ACACB: variants seen among roughly 807,000 people sequenced by gnomAD.
ACACB encodes acetyl-CoA carboxylase beta, also known as acetyl-CoA carboxylase 2.
ACACB carries 209 observed loss-of-function variants against 278.8 expected under a neutral mutation model. The ratio of observed to expected loss-of-function variants is 0.75; its 90% CI spans 0.67 to 0.84. The LOEUF is 0.84. Ranked by LOEUF, ACACB falls within the 40% of genes least tolerant of loss-of-function variation. ACACB has a pLI of 0.00. For missense variants in ACACB, 2,850 were observed against 3,269.0 expected (o/e 0.87, Z 3.13); for synonymous variants, 1,174 against 1,285.6 (o/e 0.91, Z 1.86).
chr12:109,112,840 C>T (rs1391190601), upstream of ACACB, among the ~76,000 whole-genome samples: 1 of 152,048 alleles, frequency 6.6e-6, no homozygotes, highest in Non-Finnish European at 1.5e-5. Context: ...TTTAGGTCAG[C>T]GGTTGGCAAA....
chr12:109,129,724 T>G (rs916137712), intron 1 of ACACB, among the ~76,000 whole-genome samples: 1 of 152,146 alleles, frequency 6.6e-6, no homozygotes, highest in Non-Finnish European at 1.5e-5. Context: ...CAAAAGCAGT[T>G]CTAGGCTGCA....
chr12:109,241,392 A>G lies in ACACB; in HGVS notation c.5022+111A>G, dbSNP rs978635298. ...GGAGGCGGTCTTGCCTTGCTCTCCC[A>G]TGTCATTCTGGGTTGGGGTAGCCCC... On this transcript the variant is annotated intron_variant, in intron 36 of 52. Transcript: ENST00000338432. 7 of 1,125,266 alleles carry G rather than the reference A, an allele frequency of 6.2e-6. No homozygotes were observed. The Admixed American group carries it at 7.4e-5, about 12-fold the overall frequency. 69.7% of individuals were successfully genotyped at this position (1,125,266 alleles called of 1,614,324 possible).
At chr12:109,177,772 G>A (rs1300985547) in intron 9 of ACACB, among the ~76,000 whole-genome samples, 2 of 152,098 alleles carry the variant, frequency 1.3e-5, no homozygotes, top group African/African-American at 4.8e-5. Flanking sequence ...TCCCTTTCCT[G>A]TTGCAGGATT....
chr12:109,245,815 G>A, intron 38 of ACACB, 67 bp downstream of exon 38: 2 of 1,579,434 alleles, frequency 1.3e-6, no homozygotes, highest in South Asian at 1.2e-5. Flanking sequence ...TGGGCCAGGT[G>A]CAGTAGCTCA....
At chr12:109,123,411 G>T (rs1461530495) in intron 1 of ACACB, among the ~76,000 whole-genome samples, 1 of 151,806 alleles carries the variant, frequency 6.6e-6, no homozygotes, top group African/African-American at 2.4e-5. Flanking sequence ...AGGGTCTTAG[G>T]CCGAGCGTGG....
chr12:109,210,302 T>C (rs1482534031), intron 21 of ACACB, among the ~76,000 whole-genome samples: 65 of 84,532 alleles, frequency 7.7e-4, no homozygotes, highest in East Asian at 3.8e-3. Flanking sequence ...TGTATATGTA[T>C]ATATACACAC....
intron 4 of ACACB, among the ~76,000 whole-genome samples, chr12:109,170,792 TG>T (rs199740404): frequency 5.9e-4 from 78 of 132,910 alleles, no homozygotes; most frequent in South Asian, 2.3e-3. Context: ...ATTTTGTGTG[TG>T]TTTTTTTTTT....
At chr12:109,158,761 G>A (rs2043624175) in intron 2 of ACACB, among the ~76,000 whole-genome samples, 1 of 152,140 alleles carries the variant, frequency 6.6e-6, no homozygotes, top group Non-Finnish European at 1.5e-5. Context: ...ATCGCCCTGA[G>A]GTCAGGAGTT....
chr12:109,175,197 G>A (rs890063879), intron 7 of ACACB, among the ~76,000 whole-genome samples: 1 of 151,924 alleles, frequency 6.6e-6, no homozygotes, highest in Non-Finnish European at 1.5e-5. Context: ...AAATAGGACC[G>A]TCTCAAAAGT....
rs201323153 is a variant in ACACB at position 109,256,178 on chromosome 12, G to A, written c.6205G>A (p.Gly2069Ser). Residue 2069 changes from glycine (G) to serine (S), a missense_variant, in exon 45 of 53, where the codon GGC becomes AGC. By Grantham distance (56) the Gly-to-Ser change is moderately conservative. Coordinates refer to ENST00000338432, the MANE Select transcript of ACACB (RefSeq NM_001093.4). ...GTGGCAGAGCGGATTCTTTGACCAC[G>A]GCAGTTTCAAGGAAATCATGGCACC... ...GTWQSGFFDH[G>S]SFKEIMAPWA... The A allele has an allele frequency of 3.3e-5, 53 of 1,613,816 alleles. 1 individual carries two copies. The highest frequency in any genetic ancestry group is 2.0e-4 in the Admixed American group (12 of 59,994).
At position 109,227,394 on chromosome 12, in the gene ACACB, C is replaced by T. The variant is rs762641232; in HGVS notation, c.3906C>T (p.Ile1302=). The T allele has an allele frequency of 1.7e-5, 27 of 1,612,784 alleles. No individual in the cohort carries two copies. Among genetic ancestry groups the T allele is most frequent in the African/African-American group, 5.3e-5 (4 of 74,912 alleles). The change falls in exon 28 of 53, where the codon ATC becomes ATT. Residue 1302 remains isoleucine (I), a synonymous_variant. Coordinates refer to ENST00000338432, the MANE Select transcript of ACACB (RefSeq NM_001093.4). ...AGGTTTACGTGCGGAGGGGCTACAT[C>T]GCCTATGAGTTAAACAGCCTGCAGC... ...SLEVYVRRGY[I]AYELNSLQHR...
chr12:109,218,081 C>A (rs140537109), intron 24 of ACACB, among the ~76,000 whole-genome samples: 26 of 152,328 alleles, frequency 1.7e-4, no homozygotes, highest in Non-Finnish European at 3.4e-4. Context: ...TAGTCTGACT[C>A]CAGACTCATG....
Position 109,262,950 on chromosome 12 carries a change from T to TTTTATA in ACACB, c.6787+482_6787+483insTTATAT, listed in dbSNP as rs1346750205. 162 of 62,494 alleles carry TTTTATA rather than the reference T, an allele frequency of 2.6e-3. 4 individuals carry two copies. Among genetic ancestry groups the TTTTATA allele is most frequent in the East Asian group, 0.021 (30 of 1,414 alleles). 3.9% of individuals were successfully genotyped at this position (62,494 alleles called of 1,614,324 possible). On this transcript the variant is annotated intron_variant, in intron 49 of 52. Transcript: ENST00000338432. ...CATTTCTAAATCAACCTTTTTAACA[T>TTTTATA]TATATATATATATATATATATATAT...
In ACACB at chr12:109,247,676, A is replaced by T. The variant is rs1565970018; in HGVS notation, c.5642A>T (p.Lys1881Ile). The change falls in exon 40 of 53, where the codon AAA becomes ATA. Residue 1881 changes from lysine to isoleucine, a missense_variant. Around this residue, in one of 3 missense-constraint regions of ACACB, gnomAD observed 2,265 missense variants for 2,561.3 expected, o/e 0.88. Transcript: ENST00000338432. ...AGCTCCCTGAACTCCGTCCACTGTA[A>T]ACACATCGAGGAAGGAGGAGAGTCC... is the stretch of plus-strand genomic sequence containing the variant. ...RISSLNSVHCKHIEEGGESRY... is the reference protein window; with the variant it reads ...RISSLNSVHCIHIEEGGESRY... 1 of 1,613,902 alleles carries T rather than the reference A, an allele frequency of 6.2e-7. No individual in the cohort carries two copies. Among genetic ancestry groups the T allele is most frequent in the Non-Finnish European group, 8.5e-7 (1 of 1,179,906 alleles).
At chr12:109,198,793 T>G (rs1311917426) in intron 17 of ACACB, among the ~76,000 whole-genome samples, 1 of 152,150 alleles carries the variant, frequency 6.6e-6, no homozygotes, top group Non-Finnish European at 1.5e-5. Flanking sequence ...GCTATTTTTT[T>G]TTTTTTATTT....
At chr12:109,136,001 TG>T (rs2136004287) in intron 1 of ACACB, among the ~76,000 whole-genome samples, 1 of 151,826 alleles carries the variant, frequency 6.6e-6, no homozygotes, top group East Asian at 1.9e-4. Flanking sequence ...TTAGTAGAGA[TG>T]GGGTTTCACC....
intron 2 of ACACB, among the ~76,000 whole-genome samples, chr12:109,150,947 CTTTTTCTT>C (rs2043354262): frequency 6.6e-6 from 1 of 150,566 alleles, no homozygotes; most frequent in Non-Finnish European, 1.5e-5. Context: ...TTTTCTTTTT[CTTTTTCTT>C]TTTTTCTTTT....
intron 19 of ACACB, among the ~76,000 whole-genome samples, chr12:109,202,410 G>A (rs568590637): frequency 2.6e-5 from 4 of 152,158 alleles, no homozygotes; most frequent in East Asian, 1.9e-4. Context: ...TGCCTCCCTG[G>A]TTCAAGTGAT....
chr12:109,193,871 C>A, intron 16 of ACACB, 142 bp downstream of exon 16: 1 of 706,014 alleles, frequency 1.4e-6, no homozygotes, highest in Non-Finnish European at 2.4e-6. Flanking sequence ...CCATGTAGTC[C>A]GTGACCTTGA....
Sources: allele counts gnomAD v4.1 joint callset (sites outside exome capture counted in the v4.1 genomes callset), GRCh38; gene constraint gnomAD v4.1.1; regional missense constraint gnomAD v4.1.1; transcripts MANE v1.5; gene names NCBI Gene and HGNC (gene_info 2026-07-23, HGNC 2026-07-21).